LLPH: variants seen among roughly 807,000 people sequenced by gnomAD.
The protein encoded by LLPH is protein LLP homolog.
In LLPH, 5 loss-of-function variants were observed where a neutral mutation model predicts 13.3. The observed-to-expected ratio is 0.38, with a 90% confidence interval of 0.20 to 0.79. The LOEUF (loss-of-function observed/expected upper bound fraction) is 0.79. Ranked by LOEUF, LLPH falls within the 30% of genes least tolerant of loss-of-function variation. The probability of loss-of-function intolerance (pLI) is 0.45; values close to 1 mark genes in which losing one functional copy is unlikely to be tolerated. For synonymous variants in LLPH, 32 were observed against 44.2 expected (o/e 0.72, Z 1.09); for missense variants, 129 against 152.1 (o/e 0.85, Z 0.80).
chr12:66,123,812 AT>A lies in LLPH; in HGVS notation c.*27del. Reference sequence around the variant, plus strand: ...TACATTCTAATCCGTCATCTATCCCATGTGGCATTTTCCAAGGTTTTAAGAG... The same window carrying A: ...TACATTCTAATCCGTCATCTATCCCAGTGGCATTTTCCAAGGTTTTAAGAG... On this transcript the variant is annotated 3_prime_UTR_variant, in exon 3 of 3. Transcript: ENST00000266604. 6.2e-7 allele frequency: 1 copy of A among 1,609,188 alleles called. No individual in the cohort carries two copies. Among genetic ancestry groups the A allele is most frequent in the South Asian group, 1.1e-5 (1 of 90,770 alleles).
In LLPH at chr12:66,121,280, C is replaced by CTTTTTTT. The variant is rs10715438; in HGVS notation, c.*2553_*2559dup. 1 of 121,136 alleles carries CTTTTTTT rather than the reference C, an allele frequency of 8.3e-6. No homozygotes were observed. Among genetic ancestry groups the CTTTTTTT allele is most frequent in the Non-Finnish European group, 1.7e-5 (1 of 59,090 alleles). The allele number at this position is 121,136 out of a possible 1,614,324, so 7.5% of individuals were successfully genotyped here. On this transcript the variant is annotated 3_prime_UTR_variant, in exon 3 of 3. Coordinates refer to ENST00000266604, the MANE Select transcript of LLPH (RefSeq NM_032338.4). The stretch of plus-strand genomic sequence containing the variant: ...AACTGTGTAATATCACGAATGTAGA[C>CTTTTTTT]TTTTTTTTTTTTTTTTTTTGAGATG...
intron 1 of LLPH, chr12:66,130,430 G>A (rs141707097): frequency 1.1e-4 from 16 of 152,296 alleles, no homozygotes; most frequent in African/African-American, 3.9e-4. Context: ...CCTTGCGAGG[G>A]GCTAGGAAAG....
At chr12:66,127,249 A>G (rs187507232) in intron 2 of LLPH, among the ~76,000 whole-genome samples, 1 of 152,346 alleles carries the variant, frequency 6.6e-6, no homozygotes, top group Non-Finnish European at 1.5e-5. Context: ...CACAACACCC[A>G]TAAGGGGAAA....
At position 66,119,826 on chromosome 12, in the gene LLPH, T is replaced by G. The variant is rs189648232; in HGVS notation, c.*4014A>C. ...ATTTCAGATATTTGATTCAAGTCAT[T>G]TATAGCTATTTTTCTTCTCCAACTC... is the stretch of plus-strand genomic sequence containing the variant. On this transcript the variant is annotated 3_prime_UTR_variant, in exon 3 of 3. Transcript: ENST00000266604. The G allele has an allele frequency of 5.3e-5, 8 of 152,360 alleles. No homozygotes were observed. In the East Asian group the frequency reaches 1.5e-3, roughly 29 times the overall value. The allele number at this position is 152,360 out of a possible 1,614,324, so 9.4% of individuals were successfully genotyped here. A position where few individuals can be genotyped will look rare whatever the true frequency, so the allele number is the denominator to read the frequency against.
rs1444734064 is a variant in LLPH at position 66,120,700 on chromosome 12, C to T, written c.*3140G>A. On this transcript the variant is annotated 3_prime_UTR_variant, in exon 3 of 3. Transcript: ENST00000266604. ...CATCTTGTGGCTTTACAGCAATTCT[C>T]TGGAAAATGTCAGTCAAAAAGATGA... 1 of 152,096 alleles carries T rather than the reference C, an allele frequency of 6.6e-6. No homozygotes were observed. The highest frequency in any genetic ancestry group is 6.6e-5 in the Admixed American group (1 of 15,266). The allele number at this position is 152,096 out of a possible 1,614,324, so 9.4% of individuals were successfully genotyped here. A position where few individuals can be genotyped will look rare whatever the true frequency, so the allele number is the denominator to read the frequency against.
intron 2 of LLPH, among the ~76,000 whole-genome samples, chr12:66,126,149 C>T (rs1308307851): frequency 6.6e-6 from 1 of 151,592 alleles, no homozygotes; most frequent in Non-Finnish European, 1.5e-5. Flanking sequence ...ATGGTGAAAC[C>T]CCGTCTCCAC....
Position 66,130,728 on chromosome 12 carries a change from C to T in LLPH, c.-31G>A, listed in dbSNP as rs951982253. Reference sequence around the variant, plus strand: ...ACCTGAGAAACGAACACCCACACCTCACGCTCACGCCGACCGGAAGTCTTT... The same window carrying T: ...ACCTGAGAAACGAACACCCACACCTTACGCTCACGCCGACCGGAAGTCTTT... On this transcript the variant is annotated 5_prime_UTR_variant, in exon 1 of 3. Coordinates refer to ENST00000266604, the MANE Select transcript of LLPH (RefSeq NM_032338.4). The T allele has an allele frequency of 6.6e-6, 1 of 152,308 alleles. No individual in the cohort carries two copies. Among genetic ancestry groups the T allele is most frequent in the African/African-American group, 2.4e-5 (1 of 41,478 alleles). 9.4% of individuals were successfully genotyped at this position (152,308 alleles called of 1,614,324 possible).
intron 2 of LLPH, among the ~76,000 whole-genome samples, chr12:66,127,751 T>A (rs1383274069): frequency 6.6e-6 from 1 of 152,210 alleles, no homozygotes; most frequent in Non-Finnish European, 1.5e-5. Flanking sequence ...GGCAAGTGTT[T>A]CAAAAAGTTT....
chr12:66,124,164 G>A (rs7295147), intron 2 of LLPH, 146 bp from the exon 3 acceptor site: 195,983 of 576,154 alleles, frequency 0.34, 34,328 homozygotes, highest in South Asian at 0.39. Context: ...AAGAATGTTG[G>A]CATGACTGTC....
intron 1 of LLPH, among the ~76,000 whole-genome samples, chr12:66,129,708 A>C (rs1188434168): frequency 6.6e-6 from 1 of 152,162 alleles, no homozygotes; most frequent in Non-Finnish European, 1.5e-5. Context: ...AAATACAGAA[A>C]TTTAATTTCC....
rs778203133 is a variant in LLPH, at chr12:66,124,030, G to A, written c.212-12C>T. The A allele has an allele frequency of 5.1e-6, 8 of 1,581,818 alleles. No individual in the cohort carries two copies. The highest frequency in any genetic ancestry group is 1.7e-4 in the Middle Eastern group (1 of 5,916). The stretch of plus-strand genomic sequence containing the variant: ...CATTTTCATGTCATCTGCATAAAAA[G>A]ATGGAAAAACTATTAACACCATGTA... On this transcript the variant is annotated splice_polypyrimidine_tract_variant and intron_variant, in intron 2 of 2. Coordinates refer to ENST00000266604, the MANE Select transcript of LLPH (RefSeq NM_032338.4).
In LLPH at chr12:66,123,906, C is replaced by T. The variant is rs775187482; in HGVS notation, c.324G>A (p.Lys108=). 3 of 1,612,670 alleles carry T rather than the reference C, an allele frequency of 1.9e-6. No homozygotes were observed. In the South Asian group the frequency reaches 3.3e-5, roughly 18 times the overall value. The change falls in exon 3 of 3, where the codon AAG becomes AAA. Residue 108 remains lysine, a synonymous_variant. Coordinates refer to ENST00000266604, the MANE Select transcript of LLPH (RefSeq NM_032338.4). ...TGCTTTTCCCCTTTCTTTTCTCTCG[C>T]TTTGCCTTCAGCCTTTTTCTTTGCC... ...NQRQRKRLKA[K]REKRKGKSKA...
intron 1 of LLPH, among the ~76,000 whole-genome samples, chr12:66,129,543 G>A (rs1189312883): frequency 6.6e-6 from 1 of 151,890 alleles, no homozygotes; most frequent in African/African-American, 2.4e-5. Context: ...CCGCCACCAC[G>A]CCTGGCTAAT....
rs1162467321 is a variant in LLPH, at chr12:66,123,902, C to T, written c.328G>A (p.Glu110Lys). Residue 110 changes from glutamate to lysine, a missense_variant, in exon 3 of 3, where the codon GAG (glutamate) becomes AAG (lysine). Transcript: ENST00000266604. ...RQRKRLKAKR[E>K]KRKGKSKAKA... ...GCTTTGCTTTTCCCCTTTCTTTTCTCTCGCTTTGCCTTCAGCCTTTTTCTT... is the reference window on the plus strand; with the variant it reads ...GCTTTGCTTTTCCCCTTTCTTTTCTTTCGCTTTGCCTTCAGCCTTTTTCTT... 4 of 1,612,558 alleles carry T rather than the reference C, an allele frequency of 2.5e-6. No individual in the cohort carries two copies. The highest frequency in any genetic ancestry group is 1.1e-5 in the South Asian group (1 of 91,012).
At position 66,123,066 on chromosome 12, in the gene LLPH, A is replaced by T. The variant is rs2051473517; in HGVS notation, c.*774T>A. The T allele has an allele frequency of 6.6e-6, 1 of 152,138 alleles. No individual in the cohort carries two copies. Among genetic ancestry groups the T allele is most frequent in the Admixed American group, 6.5e-5 (1 of 15,274 alleles). 9.4% of individuals were successfully genotyped at this position (152,138 alleles called of 1,614,324 possible). A position where few individuals can be genotyped will look rare whatever the true frequency, so the allele number is the denominator to read the frequency against. On this transcript the variant is annotated 3_prime_UTR_variant, in exon 3 of 3. Transcript: ENST00000266604. ...AAAGAAAAAAAAATCAGACTTGAAGATCTACACACAAAATATCTTTTATTC... is the reference window on the plus strand; with the variant it reads ...AAAGAAAAAAAAATCAGACTTGAAGTTCTACACACAAAATATCTTTTATTC...
Position 66,120,423 on chromosome 12 carries a change from T to C in LLPH, c.*3417A>G, listed in dbSNP as rs2051455913. The C allele has an allele frequency of 6.6e-6, 1 of 152,228 alleles. No individual in the cohort carries two copies. The highest frequency in any genetic ancestry group is 1.5e-5 in the Non-Finnish European group (1 of 68,048). 9.4% of individuals were successfully genotyped at this position (152,228 alleles called of 1,614,324 possible). A position where few individuals can be genotyped will look rare whatever the true frequency, so the allele number is the denominator to read the frequency against. On this transcript the variant is annotated 3_prime_UTR_variant, in exon 3 of 3. Transcript: ENST00000266604. ...AGATTTCAGTTTTAGTTGTATGGCC[T>C]GTGTGCCTCAGTTTCCCCATGTGTA... is the stretch of plus-strand genomic sequence containing the variant.
rs1421408763 is a variant in LLPH at position 66,123,974 on chromosome 12, G to C, written c.256C>G (p.Leu86Val). The C allele has an allele frequency of 1.2e-6, 2 of 1,610,490 alleles. No individual in the cohort carries two copies. Among genetic ancestry groups the C allele is most frequent in the South Asian group, 1.1e-5 (1 of 90,132 alleles). Residue 86 changes from leucine (L) to valine (V), a missense_variant, in exon 3 of 3, where the codon CTT (leucine) becomes GTT (valine). Transcript: ENST00000266604. ...GGGTACTGTCCATGCTGGTCTAGAA[G>C]AGTCTTTTTGTTTCTCTTAATATCA... is the stretch of plus-strand genomic sequence containing the variant. ...ETDIKRNKKT[L>V]LDQHGQYPIW...
In LLPH at chr12:66,117,448, G is replaced by A. The variant is rs2051435573; in HGVS notation, c.*6392C>T. The A allele has an allele frequency of 6.6e-6, 1 of 152,178 alleles. No individual in the cohort carries two copies. The highest frequency in any genetic ancestry group is 2.1e-4 in the South Asian group (1 of 4,830). The allele number at this position is 152,178 out of a possible 1,614,324, so 9.4% of individuals were successfully genotyped here. On this transcript the variant is annotated 3_prime_UTR_variant, in exon 3 of 3. Coordinates refer to ENST00000266604, the MANE Select transcript of LLPH (RefSeq NM_032338.4). ...ACACTGTAGCCATCTTAACATCACA[G>A]TGCAATGCATTACTCACGTGTTTGT...
In LLPH at chr12:66,118,363, CAAAAAAAA is replaced by C. The variant is rs34661421; in HGVS notation, c.*5469_*5476del. On this transcript the variant is annotated 3_prime_UTR_variant, in exon 3 of 3. Coordinates refer to ENST00000266604, the MANE Select transcript of LLPH (RefSeq NM_032338.4). ...GGGCAACAAGAGTGAAACTCCGTCTCAAAAAAAAAAAAAAAAAATATACAGCAGTATAC... is the reference window on the plus strand; with the variant it reads ...GGGCAACAAGAGTGAAACTCCGTCTCAAAAAAAAAATATACAGCAGTATAC... The C allele has an allele frequency of 8.4e-6, 1 of 119,718 alleles. No individual in the cohort carries two copies. The highest frequency in any genetic ancestry group is 1.7e-5 in the Non-Finnish European group (1 of 59,116). 7.4% of individuals were successfully genotyped at this position (119,718 alleles called of 1,614,324 possible). A position where few individuals can be genotyped will look rare whatever the true frequency, so the allele number is the denominator to read the frequency against.
Sources: allele counts gnomAD v4.1 joint callset (sites outside exome capture counted in the v4.1 genomes callset), GRCh38; gene constraint gnomAD v4.1.1; transcripts MANE v1.5; gene names NCBI Gene and HGNC (gene_info 2026-07-23, HGNC 2026-07-21).